Variants in NFE2L3 observed in about 807,000 individuals in gnomAD.
The protein encoded by NFE2L3 is NFE2 like bZIP transcription factor 3, also known as nuclear factor erythroid 2-related factor 3.
In NFE2L3, 18 loss-of-function variants were observed where a neutral mutation model predicts 23.5. The observed-to-expected ratio is 0.77, with a 90% CI of 0.53 to 1.13. NFE2L3 has a LOEUF of 1.13. NFE2L3 is among the 50% of genes most tolerant of loss of function. The pLI is 0.00. For synonymous variants in NFE2L3, 424 were observed against 354.5 expected (o/e 1.20, Z -2.20); for missense variants, 1,152 against 877.2 (o/e 1.31, Z -3.96).
intron 1 of NFE2L3, among the ~76,000 whole-genome samples, chr7:26,167,486 A>T (rs185262855): frequency 1.6e-4 from 25 of 151,884 alleles, no homozygotes; most frequent in African/African-American, 5.8e-4. Flanking sequence ...GCCCCAGCTC[A>T]CAAGTTTACG....
chr7:26,156,945 T>A (rs1784091241), intron 1 of NFE2L3, among the ~76,000 whole-genome samples: 1 of 152,060 alleles, frequency 6.6e-6, no homozygotes, highest in African/African-American at 2.4e-5. Context: ...ACCCCGTCTC[T>A]ACTAAAAATA....
intron 1 of NFE2L3, among the ~76,000 whole-genome samples, chr7:26,175,855 T>TC (rs1383389993): frequency 6.3e-5 from 6 of 95,554 alleles, no homozygotes; most frequent in African/African-American, 3.8e-4. Flanking sequence ...TTTCTTTTCT[T>TC]TTTTTTTTTT....
chr7:26,178,256 CTA>C (rs1282950644), intron 2 of NFE2L3, 134 bp downstream of exon 2: 2 of 695,918 alleles, frequency 2.9e-6, no homozygotes, highest in East Asian at 2.8e-5. Context: ...ATGAAAATAC[CTA>C]TGTCTTTAAG....
At chr7:26,180,485 C>A (rs10225431) in intron 2 of NFE2L3, among the ~76,000 whole-genome samples, 2,981 of 152,288 alleles carry the variant, frequency 0.02, 44 homozygotes, top group Non-Finnish European at 0.031. Context: ...CAAATCATTA[C>A]CCATGGACTT....
At chr7:26,166,678 A>C (rs533885953) in intron 1 of NFE2L3, among the ~76,000 whole-genome samples, 1 of 152,314 alleles carries the variant, frequency 6.6e-6, no homozygotes, top group East Asian at 1.9e-4. Context: ...CACAAGCTGG[A>C]ATTATTACAA....
At chr7:26,184,432 T>C (rs1782427118) in intron 3 of NFE2L3, 101 bp from the exon 4 acceptor site, 2 of 1,036,470 alleles carry the variant, frequency 1.9e-6, no homozygotes, top group South Asian at 1.5e-5. Flanking sequence ...CTATTAAATG[T>C]AGAGGAATTG....
rs1425366462 is a variant in NFE2L3, at chr7:26,186,819, AAATT to A, written c.*1037_*1040del. ...ATTTGAAAATAAACCAGGGTAAGGT[AAATT>A]CTAGAAATAATAGCATTTGAAATGA... is the stretch of plus-strand genomic sequence containing the variant. On this transcript the variant is annotated 3_prime_UTR_variant, in exon 4 of 4. Transcript: ENST00000056233. 1 of 152,244 alleles carries A rather than the reference AAATT, an allele frequency of 6.6e-6. No homozygotes were observed. Among genetic ancestry groups the A allele is most frequent in the Non-Finnish European group, 1.5e-5 (1 of 68,040 alleles). The allele number at this position is 152,244 out of a possible 1,614,324, so 9.4% of individuals were successfully genotyped here. A position where few individuals can be genotyped will look rare whatever the true frequency, so the allele number is the denominator to read the frequency against.
At chr7:26,164,679 A>G (rs1784220781) in intron 1 of NFE2L3, among the ~76,000 whole-genome samples, 1 of 152,144 alleles carries the variant, frequency 6.6e-6, no homozygotes, top group South Asian at 2.1e-4. Flanking sequence ...CCATTTGTCA[A>G]TTCTGGCTTT....
At chr7:26,168,872 C>A (rs192667293) in intron 1 of NFE2L3, among the ~76,000 whole-genome samples, 1 of 152,194 alleles carries the variant, frequency 6.6e-6, no homozygotes, top group Admixed American at 6.5e-5. Context: ...TCAACTAATT[C>A]CTTAAAATAT....
chr7:26,157,066 C>T (rs948342761), intron 1 of NFE2L3, among the ~76,000 whole-genome samples: 3 of 151,752 alleles, frequency 2.0e-5, no homozygotes, highest in Admixed American at 1.3e-4. Context: ...GAGCCGAGAT[C>T]GCTCTACTGC....
intron 1 of NFE2L3, among the ~76,000 whole-genome samples, chr7:26,161,165 A>T (rs1784164050): frequency 6.6e-6 from 1 of 152,158 alleles, no homozygotes; most frequent in Non-Finnish European, 1.5e-5. Flanking sequence ...GGGCAGTTCC[A>T]TGTTGAGAAG....
chr7:26,185,695 G>T lies in NFE2L3; in HGVS notation c.1997G>T (p.Cys666Phe), dbSNP rs1323272890. The T allele has an allele frequency of 6.2e-7, 1 of 1,613,834 alleles. No individual in the cohort carries two copies. Among genetic ancestry groups the T allele is most frequent in the African/African-American group, 1.3e-5 (1 of 75,026 alleles). The stretch of plus-strand genomic sequence containing the variant: ...AATCCCAACCACTATGCTCTCCAGT[G>T]TACCCATGATGGAAGTATCTTGATA... ...PVNPNHYALQ[C>F]THDGSILIVP... The change falls in exon 4 of 4, where the codon TGT (cysteine) becomes TTT (phenylalanine). Residue 666 changes from cysteine to phenylalanine, a missense_variant. Transcript: ENST00000056233.
chr7:26,164,334 T>G (rs1784215750), intron 1 of NFE2L3, among the ~76,000 whole-genome samples: 1 of 152,242 alleles, frequency 6.6e-6, no homozygotes, highest in African/African-American at 2.4e-5. Flanking sequence ...TCCTGACTTT[T>G]TAATGATCGC....
In NFE2L3 at chr7:26,152,909, A is replaced by C; in HGVS notation, c.411A>C (p.Gly137=). ...GCGCCGCCGCCGCCTCGTCCACCGG[A>C]GGAGCCGGCGCCAGCGTGGACGGCG... is the stretch of plus-strand genomic sequence containing the variant. ...LLGAAAASST[G]GAGASVDGGS... Residue 137 remains glycine (G), a synonymous_variant, in exon 1 of 4, where the codon GGA becomes GGC. Transcript: ENST00000056233. This position sits in a 1 kb window ranked among gnomAD's most constrained non-coding sequence, Gnocchi z 4.4. 6.9e-7 allele frequency: 1 copy of C among 1,445,680 alleles called. No individual in the cohort carries two copies. The highest frequency in any genetic ancestry group is 1.4e-5 in the South Asian group (1 of 71,640). The allele number at this position is 1,445,680 out of a possible 1,614,324, so 89.6% of individuals were successfully genotyped here.
chr7:26,184,839 C>A lies in NFE2L3; in HGVS notation c.1141C>A (p.Leu381Met). 6.2e-7 allele frequency: 1 copy of A among 1,613,974 alleles called. No homozygotes were observed. The highest frequency in any genetic ancestry group is 8.5e-7 in the Non-Finnish European group (1 of 1,179,836). Reference protein sequence around the residue: ...HMRNLTSQDLLYDLDINIFDE... With the variant: ...HMRNLTSQDLMYDLDINIFDE... ...GAGGAATCTAACAAGCCAAGACCTA[C>A]TGTATGACCTTGACATAAATATATT... Residue 381 changes from leucine to methionine, a missense_variant, in exon 4 of 4, where the codon CTG becomes ATG. Physicochemically the swap from Leu to Met is conservative, Grantham distance 15 (BLOSUM62 2). Transcript: ENST00000056233.
At chr7:26,177,000 G>GAT (rs1351489437) in intron 1 of NFE2L3, among the ~76,000 whole-genome samples, 19 of 31,020 alleles carry the variant, frequency 6.1e-4, no homozygotes, top group South Asian at 3.0e-3. Flanking sequence ...CATCCCAGAC[G>GAT]GGGTGGCCGG....
At chr7:26,168,119 AT>A (rs1464857996) in intron 1 of NFE2L3, among the ~76,000 whole-genome samples, 1 of 138,368 alleles carries the variant, frequency 7.2e-6, no homozygotes. Context: ...CTTGAAATCC[AT>A]TGTGTCATTC....
intron 1 of NFE2L3, among the ~76,000 whole-genome samples, chr7:26,159,863 C>T (rs2128097553): frequency 6.6e-6 from 1 of 151,718 alleles, no homozygotes; most frequent in Non-Finnish European, 1.5e-5. Context: ...CTTCTGCTCA[C>T]TATAAAACTT....
intron 2 of NFE2L3, 114 bp from the exon 3 acceptor site, chr7:26,183,586 TA>T: frequency 1.5e-6 from 1 of 681,998 alleles, no homozygotes; most frequent in Non-Finnish European, 2.6e-6. Flanking sequence ...AGGAACATAA[TA>T]GCATAAAAAT....
Sources: allele counts gnomAD v4.1 joint callset (sites outside exome capture counted in the v4.1 genomes callset), GRCh38; gene constraint gnomAD v4.1.1; non-coding constraint Gnocchi (gnomAD v3.1); transcripts MANE v1.5; gene names NCBI Gene and HGNC (gene_info 2026-07-23, HGNC 2026-07-21).